The following VPS13B variants were observed in gnomAD, a reference collection of about 807,000 sequenced individuals.
VPS13B encodes the protein intermembrane lipid transfer protein VPS13B.
VPS13B carries 285 observed loss-of-function variants against 426.4 expected under a neutral mutation model. The ratio of observed to expected loss-of-function variants is 0.67; its 90% CI spans 0.61 to 0.74. The LOEUF (loss-of-function observed/expected upper bound fraction) is 0.74, where lower values mean the gene tolerates loss of function less well. Ranked by LOEUF, VPS13B falls within the 30% of genes least tolerant of loss-of-function variation. The pLI is 0.00. For missense variants in VPS13B, 4,537 were observed against 4,782.6 expected, an observed-to-expected ratio of 0.95 and a Z score of 1.51; for synonymous variants, 1,676 against 1,676.4, an observed-to-expected ratio of 1.00 and a Z score of 0.01.
intron 19 of VPS13B, among the ~76,000 whole-genome samples, chr8:99,314,296 G>T (rs934391972): frequency 6.6e-6 from 1 of 151,554 alleles, no homozygotes; most frequent in Non-Finnish European, 1.5e-5. Context: ...GTTCCTATTC[G>T]GCCATCTTGG....
chr8:99,213,176 T>C (rs1815195799), intron 17 of VPS13B, among the ~76,000 whole-genome samples: 1 of 152,206 alleles, frequency 6.6e-6, no homozygotes, highest in Non-Finnish European at 1.5e-5. Flanking sequence ...TCACTCTTTA[T>C]TGTAGTTACT....
At chr8:99,529,067 C>G (rs1413817202) in intron 30 of VPS13B, among the ~76,000 whole-genome samples, 1 of 151,206 alleles carries the variant, frequency 6.6e-6, no homozygotes, top group Non-Finnish European at 1.5e-5. Flanking sequence ...ATACATCTAC[C>G]CTTATTTTAA....
Position 99,871,302 on chromosome 8 carries a change from A to G in VPS13B, c.11496-146A>G, listed in dbSNP as rs76969502. On this transcript the variant is annotated intron_variant, in intron 60 of 61. Coordinates refer to ENST00000357162, the MANE Select transcript of VPS13B (RefSeq NM_152564.5). ...AATCAGAATCAGTCTGAGAACTGAC[A>G]ATTACATTTCAAGCTAAAATGGGTA... 4,431 of 1,236,722 alleles carry G rather than the reference A, an allele frequency of 3.6e-3. 130 individuals carry two copies. In the African/African-American group the frequency reaches 0.059, roughly 16 times the overall value. The allele number at this position is 1,236,722 out of a possible 1,614,324, so 76.6% of individuals were successfully genotyped here. A position where few individuals can be genotyped will look rare whatever the true frequency, so the allele number is the denominator to read the frequency against.
intron 31 of VPS13B, among the ~76,000 whole-genome samples, chr8:99,568,818 T>G (rs1001736267): frequency 7.8e-5 from 11 of 140,858 alleles, no homozygotes; most frequent in South Asian, 2.2e-4. Flanking sequence ...TGTTTTTTTG[T>G]TTTTTTTTTT....
intron 42 of VPS13B, among the ~76,000 whole-genome samples, chr8:99,782,006 A>G (rs191921271): frequency 6.6e-6 from 1 of 152,342 alleles, no homozygotes; most frequent in Admixed American, 6.5e-5. Context: ...AGGTTTGTAG[A>G]TAAATATATA....
rs997250214 is a variant in VPS13B at position 99,859,559 on chromosome 8, A to G, written c.11044+79A>G. On this transcript the variant is annotated intron_variant, in intron 57 of 61. Coordinates refer to ENST00000357162, the MANE Select transcript of VPS13B (RefSeq NM_152564.5). ...TTTTTAAAGAATGTGCTAAAGTTTT[A>G]AATGCATTCAGATTGCCTCTAGCTT... 5.4e-4 allele frequency: 837 copies of G among 1,561,610 alleles called. 1 individual carries two copies. Among genetic ancestry groups the G allele is most frequent in the Non-Finnish European group, 6.8e-4 (790 of 1,154,244 alleles).
intron 3 of VPS13B, among the ~76,000 whole-genome samples, chr8:99,067,134 C>T (rs373495708): frequency 1.3e-5 from 2 of 152,230 alleles, no homozygotes; most frequent in African/African-American, 4.8e-5. Flanking sequence ...CCAGCCATCC[C>T]GTTACTAGGT....
chr8:99,798,937 G>A (rs1812995677), intron 43 of VPS13B: 1 of 152,140 alleles, frequency 6.6e-6, no homozygotes, highest in Admixed American at 6.6e-5. Flanking sequence ...TAAGTAATGG[G>A]AAATACTGAT....
At chr8:99,581,732 G>C (rs1481127171) in intron 33 of VPS13B, among the ~76,000 whole-genome samples, 5 of 152,090 alleles carry the variant, frequency 3.3e-5, no homozygotes, top group Non-Finnish European at 5.9e-5. Flanking sequence ...GGAGCATTTT[G>C]GATTTTGAAT....
At chr8:99,556,026 A>C (rs1050704427) in intron 30 of VPS13B, among the ~76,000 whole-genome samples, 3 of 152,146 alleles carry the variant, frequency 2.0e-5, no homozygotes, top group Non-Finnish European at 2.9e-5. Context: ...AAAAACAAAC[A>C]AACAAAAAAC....
intron 21 of VPS13B, among the ~76,000 whole-genome samples, chr8:99,392,737 AT>A (rs1201331622): frequency 2.0e-5 from 3 of 152,096 alleles, no homozygotes; most frequent in African/African-American, 7.2e-5. Flanking sequence ...ATACATAAGT[AT>A]TATTATTTTG....
At chr8:99,697,004 G>A in intron 35 of VPS13B, 1 of 600,202 alleles carries the variant, frequency 1.7e-6, no homozygotes, top group Admixed American at 2.4e-5. Flanking sequence ...AGTGAGGTAT[G>A]TGGGCCCTCC....
intron 23 of VPS13B, among the ~76,000 whole-genome samples, chr8:99,463,837 C>T (rs1818959448): frequency 6.6e-6 from 1 of 152,046 alleles, no homozygotes; most frequent in Non-Finnish European, 1.5e-5. Flanking sequence ...GGATTACAGG[C>T]GTGCACCACC....
intron 30 of VPS13B, among the ~76,000 whole-genome samples, chr8:99,524,814 C>T (rs1439592623): frequency 3.9e-5 from 6 of 152,110 alleles, no homozygotes; most frequent in African/African-American, 1.4e-4. Context: ...AAAAACCATA[C>T]AACTGAGCTC....
At chr8:99,491,720 T>A (rs947472173) in intron 25 of VPS13B, among the ~76,000 whole-genome samples, 1 of 152,194 alleles carries the variant, frequency 6.6e-6, no homozygotes, top group Non-Finnish European at 1.5e-5. Flanking sequence ...ATCAGGTCAT[T>A]TAAGGTCTTG....
chr8:99,013,986 C>T (rs376340256), intron 2 of VPS13B, 51 bp downstream of exon 2: 2 of 1,612,120 alleles, frequency 1.2e-6, no homozygotes, highest in Non-Finnish European at 1.7e-6. Flanking sequence ...CTTGTTTAGA[C>T]GGTAATCTAT....
intron 36 of VPS13B, among the ~76,000 whole-genome samples, chr8:99,708,962 A>G (rs1832603972): frequency 6.6e-6 from 1 of 151,942 alleles, no homozygotes; most frequent in Non-Finnish European, 1.5e-5. Context: ...AAGGGCGGGG[A>G]CGAACATGTT....
intron 17 of VPS13B, among the ~76,000 whole-genome samples, chr8:99,259,241 A>G (rs935648032): frequency 6.6e-6 from 1 of 152,130 alleles, no homozygotes; most frequent in Non-Finnish European, 1.5e-5. Context: ...CTCAGAAATT[A>G]TGTTTTTCTT....
chr8:99,509,214 A>G (rs1294739285), intron 28 of VPS13B, among the ~76,000 whole-genome samples: 1 of 152,166 alleles, frequency 6.6e-6, no homozygotes, highest in Non-Finnish European at 1.5e-5. Context: ...TTGTCCAGCA[A>G]CATGCTAATA....
Sources: allele counts gnomAD v4.1 joint callset (sites outside exome capture counted in the v4.1 genomes callset), GRCh38; gene constraint gnomAD v4.1.1; transcripts MANE v1.5; gene names NCBI Gene and HGNC (gene_info 2026-07-23, HGNC 2026-07-21).